The following CORIN variants were observed in gnomAD, a reference collection of about 807,000 sequenced individuals.
The protein encoded by CORIN is corin, serine peptidase.
Under a neutral mutation model 125.3 loss-of-function variants are expected in CORIN, and 117 were observed. The ratio of observed to expected loss-of-function variants is 0.93; its 90% CI spans 0.80 to 1.09. The LOEUF (loss-of-function observed/expected upper bound fraction) is 1.09, where lower values mean the gene tolerates loss of function less well. Among genes scored for constraint, CORIN ranks in the 50% least tolerant of loss-of-function variants. The pLI is 0.00. For synonymous variants in CORIN, 450 were observed against 466.4 expected (o/e 0.96, Z 0.45); for missense variants, 1,253 against 1,306.7 (o/e 0.96, Z 0.63).
chr4:47,607,316 G>C (rs1721690817), intron 19 of CORIN, among the ~76,000 whole-genome samples: 1 of 151,956 alleles, frequency 6.6e-6, no homozygotes, highest in African/African-American at 2.4e-5. Context: ...GCTGAGGCAG[G>C]AGAATGGCGT....
intron 17 of CORIN, among the ~76,000 whole-genome samples, chr4:47,625,631 C>A (rs73815727): frequency 1.3e-5 from 2 of 152,110 alleles, no homozygotes; most frequent in African/African-American, 4.8e-5. Context: ...TTTAGTTTTC[C>A]TCTTTAAAAT....
chr4:47,779,867 G>A (rs916648457), intron 3 of CORIN, among the ~76,000 whole-genome samples: 13 of 152,172 alleles, frequency 8.5e-5, no homozygotes, highest in African/African-American at 3.1e-4. Flanking sequence ...AGTAACTTTT[G>A]GGTATGAGTT....
intron 2 of CORIN, among the ~76,000 whole-genome samples, chr4:47,805,016 G>A (rs894484213): frequency 1.3e-5 from 2 of 151,050 alleles, no homozygotes; most frequent in African/African-American, 2.4e-5. Context: ...GGCGCCTGTA[G>A]TCCCAGCTAC....
chr4:47,757,320 G>C (rs1729195265), intron 4 of CORIN, among the ~76,000 whole-genome samples: 1 of 152,156 alleles, frequency 6.6e-6, no homozygotes, highest in Non-Finnish European at 1.5e-5. Flanking sequence ...AGGGCCAGGA[G>C]TGGTGGCTCA....
At chr4:47,696,059 C>A (rs1725983812) in intron 5 of CORIN, among the ~76,000 whole-genome samples, 1 of 152,160 alleles carries the variant, frequency 6.6e-6, no homozygotes, top group African/African-American at 2.4e-5. Context: ...TCAACATTGT[C>A]TTTTTCTCTC....
chr4:47,632,776 G>GAGA (rs1560481552), intron 16 of CORIN, among the ~76,000 whole-genome samples: 1 of 122,398 alleles, frequency 8.2e-6, no homozygotes, highest in Non-Finnish European at 1.7e-5. Context: ...GAGATAGATA[G>GAGA]TTAGATAGAT....
At chr4:47,810,560 T>G (rs913366909) in intron 1 of CORIN, among the ~76,000 whole-genome samples, 2 of 152,234 alleles carry the variant, frequency 1.3e-5, no homozygotes, top group African/African-American at 4.8e-5. Context: ...TGGCACAGTG[T>G]ACCATTGTAC....
intron 19 of CORIN, 49 bp from the exon 20 acceptor site, chr4:47,603,717 AT>A: frequency 6.4e-7 from 1 of 1,573,344 alleles, no homozygotes; most frequent in Non-Finnish European, 8.6e-7. Flanking sequence ...CTAGTTTATC[AT>A]GTGAAATTCA....
intron 2 of CORIN, among the ~76,000 whole-genome samples, chr4:47,796,554 G>T (rs907488717): frequency 1.3e-5 from 2 of 151,946 alleles, no homozygotes; most frequent in African/African-American, 4.8e-5. Context: ...TTTGTTAAAA[G>T]GGCAGATCTT....
chr4:47,791,415 A>T (rs1391875097), intron 2 of CORIN, among the ~76,000 whole-genome samples: 1 of 152,228 alleles, frequency 6.6e-6, no homozygotes, highest in African/African-American at 2.4e-5. Flanking sequence ...TAACTCTAAG[A>T]TAATAAATTT....
chr4:47,711,343 T>C (rs1020763733), intron 5 of CORIN, among the ~76,000 whole-genome samples: 15 of 152,238 alleles, frequency 9.9e-5, no homozygotes, highest in Admixed American at 9.2e-4. Flanking sequence ...AGCCAAAGAC[T>C]ACATTTCCCA....
intron 3 of CORIN, among the ~76,000 whole-genome samples, chr4:47,777,190 C>T (rs1171455003): frequency 3.9e-5 from 6 of 152,188 alleles, no homozygotes; most frequent in Non-Finnish European, 8.8e-5. Flanking sequence ...TAAATAGCTA[C>T]TGATTAACAA....
intron 3 of CORIN, among the ~76,000 whole-genome samples, chr4:47,779,425 CT>C (rs984560457): frequency 6.2e-5 from 9 of 144,432 alleles, no homozygotes; most frequent in African/African-American, 1.1e-4. Context: ...GCTGCATATT[CT>C]TTTTTTTTTC....
At chr4:47,703,617 G>T (rs1220027071) in intron 5 of CORIN, among the ~76,000 whole-genome samples, 1 of 152,168 alleles carries the variant, frequency 6.6e-6, no homozygotes, top group East Asian at 1.9e-4. Context: ...CACCTACTTT[G>T]GGATCGTCTC....
At chr4:47,607,869 C>T (rs918782406) in intron 19 of CORIN, among the ~76,000 whole-genome samples, 1 of 151,598 alleles carries the variant, frequency 6.6e-6, no homozygotes, top group Non-Finnish European at 1.5e-5. Flanking sequence ...ATCACTTAAA[C>T]CCTAGAGGTG....
At chr4:47,785,062 T>C (rs1256624536) in intron 3 of CORIN, among the ~76,000 whole-genome samples, 1 of 152,246 alleles carries the variant, frequency 6.6e-6, no homozygotes, top group Admixed American at 6.5e-5. Flanking sequence ...AGACTTAAGA[T>C]GTGATATCCC....
At chr4:47,670,304 T>A (rs1215041232) in intron 10 of CORIN, among the ~76,000 whole-genome samples, 1 of 152,348 alleles carries the variant, frequency 6.6e-6, no homozygotes, top group East Asian at 1.9e-4. Context: ...AATGGTAATA[T>A]TGTATTCAAT....
intron 1 of CORIN, among the ~76,000 whole-genome samples, chr4:47,808,563 A>G (rs995868097): frequency 1.3e-5 from 2 of 152,240 alleles, no homozygotes; most frequent in South Asian, 2.1e-4. Flanking sequence ...CATGAGAGAC[A>G]TTATTTGAAG....
intron 3 of CORIN, among the ~76,000 whole-genome samples, chr4:47,785,271 C>A (rs1423883181): frequency 6.6e-6 from 1 of 152,194 alleles, no homozygotes; most frequent in Non-Finnish European, 1.5e-5. Context: ...ACACCCAAAG[C>A]TTCTTGGCAT....
Sources: allele counts gnomAD v4.1 joint callset (sites outside exome capture counted in the v4.1 genomes callset), GRCh38; gene constraint gnomAD v4.1.1; transcripts MANE v1.5; gene names NCBI Gene and HGNC (gene_info 2026-07-23, HGNC 2026-07-21).